CACNA1D: variants seen among roughly 807,000 people sequenced by gnomAD.
CACNA1D encodes voltage-dependent L-type calcium channel subunit alpha-1D.
In CACNA1D, 55 loss-of-function variants were observed where a neutral mutation model predicts 257.1. The ratio of observed to expected loss-of-function variants is 0.21; its 90% CI spans 0.17 to 0.27. CACNA1D has a LOEUF of 0.27. CACNA1D is among the 10% of genes least tolerant of loss of function. The pLI is 1.00. For missense variants in CACNA1D, 1,876 were observed against 2,784.0 expected (o/e 0.67, Z 7.34); for synonymous variants, 980 against 1,014.9 (o/e 0.97, Z 0.65).
intron 3 of CACNA1D, among the ~76,000 whole-genome samples, chr3:53,600,904 C>T (rs1469942379): frequency 6.6e-6 from 1 of 152,184 alleles, no homozygotes; most frequent in East Asian, 1.9e-4. Context: ...CCGTGATTCC[C>T]GTACATGTCC....
At chr3:53,768,721 A>G (rs3774581) in intron 30 of CACNA1D, among the ~76,000 whole-genome samples, 50,982 of 151,936 alleles carry the variant, frequency 0.34, 8,767 homozygotes, top group Middle Eastern at 0.44. Flanking sequence ...TTTTTCTGTG[A>G]TATGCTGAAA....
chr3:53,640,836 C>T (rs1025345223), intron 3 of CACNA1D, among the ~76,000 whole-genome samples: 28 of 152,028 alleles, frequency 1.8e-4, no homozygotes, highest in African/African-American at 6.8e-4. Context: ...GAAAGAGTGC[C>T]GTCTGATGAC....
At chr3:53,668,663 A>C (rs1002788293) in intron 7 of CACNA1D, among the ~76,000 whole-genome samples, 2 of 152,196 alleles carry the variant, frequency 1.3e-5, no homozygotes, top group Non-Finnish European at 2.9e-5. Context: ...GATCTAGAAC[A>C]GTGGTCTATA....
At position 53,673,247 on chromosome 3, in the gene CACNA1D, A is replaced by G; in HGVS notation, c.1220+121A>G. 1 of 666,610 alleles carries G rather than the reference A, an allele frequency of 1.5e-6. No individual in the cohort carries two copies. The highest frequency in any genetic ancestry group is 2.7e-6 in the Non-Finnish European group (1 of 375,870). The allele number at this position is 666,610 out of a possible 1,614,324, so 41.3% of individuals were successfully genotyped here. On this transcript the variant is annotated intron_variant, in intron 8 of 47. Transcript: ENST00000350061. This position sits in a 1 kb window ranked among gnomAD's most constrained non-coding sequence, Gnocchi z 4.1. ...CCAGACATTTTATGTGTCCTCTGAG[A>G]TGCTTTCTTTTCTGCTGAGGCTTCC...
At chr3:53,728,542 G>A (rs1020820) in intron 15 of CACNA1D, among the ~76,000 whole-genome samples, 133,606 of 152,242 alleles carry the variant, frequency 0.88, 58,754 homozygotes, top group East Asian at 1. Context: ...AATAGAGTAC[G>A]GGATCTTGCA....
Position 53,789,800 on chromosome 3 carries a change from C to T in CACNA1D, c.4923+2848C>T, listed in dbSNP as rs976186881. On this transcript the variant is annotated intron_variant, in intron 40 of 47. Transcript: ENST00000350061. The surrounding 1 kb of genome is among the most constrained non-coding windows in gnomAD (Gnocchi z 4.2). Reference sequence around the variant, plus strand: ...TGGGCCCAAGACCTCTGCGCCCCCACCCCCAGGGAATGTTTTTTCAAGGAC... The same window carrying T: ...TGGGCCCAAGACCTCTGCGCCCCCATCCCCAGGGAATGTTTTTTCAAGGAC... Among the ~76,000 whole-genome samples the T allele has an allele frequency of 6.6e-6, 1 of 152,216 alleles. No homozygotes were observed. The highest frequency in any genetic ancestry group is 2.4e-5 in the African/African-American group (1 of 41,452).
intron 10 of CACNA1D, among the ~76,000 whole-genome samples, chr3:53,719,060 G>A (rs1325679007): frequency 6.6e-6 from 1 of 152,174 alleles, no homozygotes; most frequent in Admixed American, 6.5e-5. Flanking sequence ...TGCAGAATGT[G>A]CTGGGCACTG....
chr3:53,621,759 T>A (rs1226859013), intron 3 of CACNA1D, among the ~76,000 whole-genome samples: 2 of 152,166 alleles, frequency 1.3e-5, no homozygotes, highest in African/African-American at 4.8e-5. Context: ...AAAGCATCCA[T>A]GCAACACAAT....
In CACNA1D at chr3:53,747,297, T is replaced by C. The variant is rs770293236; in HGVS notation, c.3168-5T>C. On this transcript the variant is annotated splice_polypyrimidine_tract_variant and splice_region_variant and intron_variant, in intron 25 of 47. Transcript: ENST00000350061. Reference sequence around the variant, plus strand: ...CAGACGACCCACACCTGTTTTCCTCTCCAGGGGACTTTTCATCCTCTACAA... The same window carrying C: ...CAGACGACCCACACCTGTTTTCCTCCCCAGGGGACTTTTCATCCTCTACAA... 3.0e-5 allele frequency: 49 copies of C among 1,613,790 alleles called. No homozygotes were observed. The African/African-American group carries it at 5.3e-4, about 18-fold the overall frequency.
chr3:53,692,734 A>T (rs1441322675), intron 8 of CACNA1D, among the ~76,000 whole-genome samples: 1 of 152,216 alleles, frequency 6.6e-6, no homozygotes, highest in Admixed American at 6.5e-5. Context: ...TGTTTTAAAC[A>T]TCATCACCGT....
chr3:53,622,113 T>C (rs2093703368), intron 3 of CACNA1D, among the ~76,000 whole-genome samples: 1 of 151,978 alleles, frequency 6.6e-6, no homozygotes, highest in African/African-American at 2.4e-5. Context: ...AGTGACACGA[T>C]AATCTCAGCT....
intron 3 of CACNA1D, among the ~76,000 whole-genome samples, chr3:53,544,858 C>T (rs956780014): frequency 2.0e-5 from 3 of 152,196 alleles, no homozygotes; most frequent in Non-Finnish European, 2.9e-5. Context: ...GTTGCTTCAT[C>T]CCTCATTCGA....
chr3:53,811,206 A>G lies in CACNA1D; in HGVS notation c.6286A>G (p.Ile2096Val). 6.2e-7 allele frequency: 1 copy of G among 1,614,110 alleles called. No homozygotes were observed. The highest frequency in any genetic ancestry group is 8.5e-7 in the Non-Finnish European group (1 of 1,180,008). The change falls in exon 48 of 48, where the codon ATC (isoleucine) becomes GTC (valine). Residue 2096 changes from isoleucine (I) to valine (V), a missense_variant. Physicochemically the swap from Ile to Val is conservative, Grantham distance 29. Coordinates refer to ENST00000350061, the MANE Select transcript of CACNA1D (RefSeq NM_001128840.3). The surrounding 1 kb of genome is among the most constrained non-coding windows in gnomAD (Gnocchi z 4.2). ...HEIADACDLT[I>V]DEMESAASTL... is the part of the protein sequence containing the mutation. ...AATCGCTGATGCCTGTGACCTCACC[A>G]TCGACGAGATGGAGAGTGCAGCCAG...
chr3:53,525,766 T>G (rs767310226), intron 3 of CACNA1D, among the ~76,000 whole-genome samples: 8 of 152,126 alleles, frequency 5.3e-5, no homozygotes, highest in African/African-American at 7.2e-5. Flanking sequence ...CAGTTGGGGA[T>G]AGATGGCCTT....
chr3:53,654,118 T>C (rs1184649258), intron 4 of CACNA1D, among the ~76,000 whole-genome samples: 1 of 152,138 alleles, frequency 6.6e-6, no homozygotes, highest in East Asian at 1.9e-4. Context: ...TCAGAATTCA[T>C]GACTAATAGA....
At chr3:53,605,128 A>G (rs904486265) in intron 3 of CACNA1D, among the ~76,000 whole-genome samples, 3 of 152,194 alleles carry the variant, frequency 2.0e-5, no homozygotes, top group African/African-American at 7.2e-5. Flanking sequence ...TCCATACTGT[A>G]CTGTTAGAAA....
chr3:53,599,323 T>C (rs1198368935), intron 3 of CACNA1D, among the ~76,000 whole-genome samples: 1 of 152,206 alleles, frequency 6.6e-6, no homozygotes, highest in African/African-American at 2.4e-5. Flanking sequence ...GCATTGAGCA[T>C]CTTGGGGTAG....
At chr3:53,559,064 T>C (rs2092693769) in intron 3 of CACNA1D, among the ~76,000 whole-genome samples, 1 of 146,036 alleles carries the variant, frequency 6.8e-6, no homozygotes, top group Non-Finnish European at 1.5e-5. Flanking sequence ...TTTTATAATC[T>C]TTTTTTCTCT....
At chr3:53,635,640 T>C (rs554380980) in intron 3 of CACNA1D, among the ~76,000 whole-genome samples, 1 of 152,280 alleles carries the variant, frequency 6.6e-6, no homozygotes, top group South Asian at 2.1e-4. Flanking sequence ...ACAGTGCTGT[T>C]GGATCTCTGT....
Sources: gnomAD v4.1 joint callset for allele counts (sites outside exome capture counted in the v4.1 genomes callset) on GRCh38, gnomAD v4.1.1 for gene constraint, Gnocchi (gnomAD v3.1) non-coding constraint, MANE v1.5 for transcripts, NCBI Gene and HGNC (gene_info 2026-07-23, HGNC 2026-07-21) for gene names.